Variants in RETREG3 observed in about 807,000 individuals in gnomAD.
The protein encoded by RETREG3 is reticulophagy regulator 3.
In RETREG3, 23 loss-of-function variants were observed where a neutral mutation model predicts 50.2. The ratio of observed to expected loss-of-function variants is 0.46; its 90% CI spans 0.33 to 0.65. The LOEUF (loss-of-function observed/expected upper bound fraction) is 0.65, where lower values mean the gene tolerates loss of function less well. Ranked by LOEUF, RETREG3 falls within the 30% of genes least tolerant of loss-of-function variation. The pLI is 0.02. For missense variants in RETREG3, 546 were observed against 598.0 expected (o/e 0.91, Z 0.91); for synonymous variants, 240 against 234.4 (o/e 1.02, Z -0.22).
At chr17:42,602,690 C>T (rs2093160774) in intron 1 of RETREG3, among the ~76,000 whole-genome samples, 1 of 152,132 alleles carries the variant, frequency 6.6e-6, no homozygotes. Context: ...ACCTGTAATC[C>T]CAGCACTTTG....
intron 6 of RETREG3, 31 bp downstream of exon 6, chr17:42,585,094 T>C: frequency 6.2e-7 from 1 of 1,605,832 alleles, no homozygotes; most frequent in African/African-American, 1.3e-5. Context: ...CCAAATTGCG[T>C]AAGTGGAAAG....
chr17:42,599,122 C>T (rs1037535102), intron 1 of RETREG3: 2 of 152,248 alleles, frequency 1.3e-5, no homozygotes, highest in Admixed American at 1.3e-4. Context: ...CTGGAGAAAA[C>T]AGCGATGCCA....
rs760954637 is a variant in RETREG3 at position 42,609,173 on chromosome 17, G to C, written c.152C>G (p.Pro51Arg). Reference protein sequence around the residue: ...ALVEVLGPYEPLLSRVQAALV... With the variant: ...ALVEVLGPYERLLSRVQAALV... ...GGCTGCCTGCACCCGACTCAGCAGA[G>C]GCTCGTAAGGCCCCAGCACCTCCAC... The change falls in exon 1 of 9, where the codon CCT becomes CGT. Residue 51 changes from proline (P) to arginine (R), a missense_variant. Physicochemically the swap from Pro to Arg is moderately radical, Grantham distance 103. Transcript: ENST00000309428. 1 of 1,610,004 alleles carries C rather than the reference G, an allele frequency of 6.2e-7. No homozygotes were observed. The highest frequency in any genetic ancestry group is 1.3e-5 in the African/African-American group (1 of 74,918).
chr17:42,581,929 C>T lies in RETREG3; in HGVS notation c.1285G>A (p.Gly429Ser). ...TCTGAACTGGGGGACCGGAGGAAGC[C>T]TCTCGTTGCTCTCTGGGCAGGTGCT... is the stretch of plus-strand genomic sequence containing the variant. ...SGAPAQRATR[G>S]FLRSPSSDLD... The change falls in exon 9 of 9, where the codon GGC (glycine) becomes AGC (serine). Residue 429 changes from glycine (G) to serine (S), a missense_variant. Coordinates refer to ENST00000309428, the MANE Select transcript of RETREG3 (RefSeq NM_178126.4). 3.7e-6 allele frequency: 6 copies of T among 1,614,160 alleles called. No individual in the cohort carries two copies. Among genetic ancestry groups the T allele is most frequent in the Non-Finnish European group, 4.2e-6 (5 of 1,180,028 alleles).
At position 42,604,049 on chromosome 17, in the gene RETREG3, G is replaced by T. The variant is rs922841600; in HGVS notation, c.239+5037C>A. On this transcript the variant is annotated intron_variant, in intron 1 of 8. Transcript: ENST00000309428. ...AGAACAAATATCTCTACTTAAATGG[G>T]CTCCCCATCTTCCATTTCTTGTTTC... is the stretch of plus-strand genomic sequence containing the variant. Among the ~76,000 whole-genome samples the T allele has an allele frequency of 2.6e-5, 4 of 151,428 alleles. No individual in the cohort carries two copies. In the East Asian group the frequency reaches 7.8e-4, roughly 29 times the overall value.
rs2093110169 is a variant in RETREG3, at chr17:42,582,049, C to A, written c.1165G>T (p.Val389Leu). 1 of 1,613,948 alleles carries A rather than the reference C, an allele frequency of 6.2e-7. No individual in the cohort carries two copies. Among genetic ancestry groups the A allele is most frequent in the African/African-American group, 1.3e-5 (1 of 74,888 alleles). ...AGGTTGCTGGTGAGGTTGGATCCTACAGGAAGAGCACCAAGCAGGAGCTCC... is the reference window on the plus strand; with the variant it reads ...AGGTTGCTGGTGAGGTTGGATCCTAAAGGAAGAGCACCAAGCAGGAGCTCC... ...LPELLLGALP[V>L]GSNLTSNLAS... The change falls in exon 9 of 9, where the codon GTA (valine) becomes TTA (leucine). Residue 389 changes from valine (V) to leucine (L), a missense_variant. Coordinates refer to ENST00000309428, the MANE Select transcript of RETREG3 (RefSeq NM_178126.4).
chr17:42,589,718 T>A (rs2093128789), intron 2 of RETREG3, among the ~76,000 whole-genome samples: 1 of 152,156 alleles, frequency 6.6e-6, no homozygotes, highest in Non-Finnish European at 1.5e-5. Flanking sequence ...ACAGGCATGA[T>A]CCACTGCACC....
chr17:42,601,589 A>G (rs2093158688), intron 1 of RETREG3, among the ~76,000 whole-genome samples: 1 of 150,030 alleles, frequency 6.7e-6, no homozygotes, highest in African/African-American at 2.4e-5. Flanking sequence ...AAAAAAAAGA[A>G]AAGAAAAATA....
At chr17:42,587,901 G>C (rs370472038) in intron 2 of RETREG3, 37 bp from the exon 3 acceptor site, 1 of 1,612,558 alleles carries the variant, frequency 6.2e-7, no homozygotes, top group African/African-American at 1.3e-5. Flanking sequence ...TTAGTTGGTA[G>C]GGAAAACTAA....
intron 6 of RETREG3, among the ~76,000 whole-genome samples, chr17:42,583,961 T>A (rs2093115734): frequency 6.6e-6 from 1 of 152,134 alleles, no homozygotes. Context: ...GTGCTCACCA[T>A]CACACCTGGC....
intron 1 of RETREG3, among the ~76,000 whole-genome samples, chr17:42,605,833 A>T (rs765994120): frequency 2.0e-5 from 3 of 151,990 alleles, no homozygotes; most frequent in Non-Finnish European, 4.4e-5. Flanking sequence ...CCCTACAAAA[A>T]TACAAAAATT....
rs534880390 is a variant in RETREG3 at position 42,600,738 on chromosome 17, A to G, written c.239+8348T>C. Among the ~76,000 whole-genome samples, 6 of 152,330 alleles carry G rather than the reference A, an allele frequency of 3.9e-5. No homozygotes were observed. In the East Asian group the frequency reaches 1.2e-3, roughly 29 times the overall value. On this transcript the variant is annotated intron_variant, in intron 1 of 8. Transcript: ENST00000309428. ...AAAATGATCCATTATCCACATATGT[A>G]CTCTAAAAAGTGTGAAGACAGGCTA...
At chr17:42,598,829 T>TGTTGA (rs1428407386) in intron 1 of RETREG3, 2 of 152,194 alleles carry the variant, frequency 1.3e-5, no homozygotes, top group African/African-American at 4.8e-5. Context: ...CTCAAAGGTA[T>TGTTGA]GTTGAATTGA....
intron 6 of RETREG3, among the ~76,000 whole-genome samples, chr17:42,584,835 A>C (rs1158097094): frequency 6.6e-6 from 1 of 151,422 alleles, no homozygotes; most frequent in African/African-American, 2.4e-5. Flanking sequence ...AAAAAAAAAA[A>C]AACAAACCAC....
Position 42,587,959 on chromosome 17 carries a change from T to G in RETREG3, c.347-95A>C, listed in dbSNP as rs2093124442. 6 of 1,410,428 alleles carry G rather than the reference T, an allele frequency of 4.3e-6. No homozygotes were observed. In the South Asian group the frequency reaches 6.9e-5, roughly 16 times the overall value. The allele number at this position is 1,410,428 out of a possible 1,614,324, so 87.4% of individuals were successfully genotyped here. On this transcript the variant is annotated intron_variant, in intron 2 of 8. Transcript: ENST00000309428. ...GTCTGACAGCTCAAGTTTTAATAGG[T>G]TGGGGAAAAGAAAACAGTAATAGCC...
At chr17:42,591,163 A>G (rs999288131) in intron 2 of RETREG3, among the ~76,000 whole-genome samples, 3 of 152,258 alleles carry the variant, frequency 2.0e-5, no homozygotes, top group East Asian at 1.9e-4. Context: ...TTTTTTCTCA[A>G]TCTGTTCAAA....
Position 42,609,075 on chromosome 17 carries a change from A to G in RETREG3, c.239+11T>C, listed in dbSNP as rs768656318. 5 of 1,602,990 alleles carry G rather than the reference A, an allele frequency of 3.1e-6. No homozygotes were observed. The South Asian group carries it at 4.4e-5, about 14-fold the overall frequency. Reference sequence around the variant, plus strand: ...GGACTCGGAGGGTTTCCGAGGGTCCAGTTCTCTCACCAGAAAGCCGCGTTC... The same window carrying G: ...GGACTCGGAGGGTTTCCGAGGGTCCGGTTCTCTCACCAGAAAGCCGCGTTC... On this transcript the variant is annotated intron_variant, in intron 1 of 8. Coordinates refer to ENST00000309428, the MANE Select transcript of RETREG3 (RefSeq NM_178126.4).
At chr17:42,603,206 A>G (rs1312262280) in intron 1 of RETREG3, among the ~76,000 whole-genome samples, 1 of 152,188 alleles carries the variant, frequency 6.6e-6, no homozygotes, top group African/African-American at 2.4e-5. Flanking sequence ...TAACTATACC[A>G]TGGAGCCTCA....
chr17:42,587,998 A>T, intron 2 of RETREG3, 134 bp from the exon 3 acceptor site: 5 of 967,648 alleles, frequency 5.2e-6, no homozygotes, highest in Non-Finnish European at 6.6e-6. Context: ...AAAAAAGGAG[A>T]CACTGTGTTA....
Sources: allele counts gnomAD v4.1 joint callset (sites outside exome capture counted in the v4.1 genomes callset), GRCh38; gene constraint gnomAD v4.1.1; transcripts MANE v1.5; gene names NCBI Gene and HGNC (gene_info 2026-07-23, HGNC 2026-07-21).